EMCN: variants seen among roughly 807,000 people sequenced by gnomAD.
EMCN encodes endomucin, also known as MUC-14.
EMCN carries 37 observed loss-of-function variants against 38.4 expected under a neutral mutation model. That is an observed-to-expected ratio of 0.96 (90% CI 0.74 to 1.27). The LOEUF (loss-of-function observed/expected upper bound fraction) is 1.27. Among genes scored for constraint, EMCN ranks in the 50% most tolerant of loss-of-function variants. The pLI, the probability that EMCN is intolerant of heterozygous loss-of-function variation, is 0.00. For missense variants in EMCN, 318 were observed against 302.8 expected, an observed-to-expected ratio of 1.05 and a Z score of -0.37; for synonymous variants, 95 against 100.8, an observed-to-expected ratio of 0.94 and a Z score of 0.35.
At chr4:100,422,809 C>CTTTT (rs762827792) in intron 7 of EMCN, among the ~76,000 whole-genome samples, 17,611 of 130,632 alleles carry the variant, frequency 0.13, 1,297 homozygotes, top group Middle Eastern at 0.18. Flanking sequence ...TTCTTTCTTT[C>CTTTT]TTTCTTTCTT....
intron 1 of EMCN, among the ~76,000 whole-genome samples, chr4:100,490,847 AG>A (rs575425652): frequency 8.9e-4 from 135 of 152,294 alleles, no homozygotes; most frequent in African/African-American, 3.2e-3. Flanking sequence ...TATTTTTTAT[AG>A]TAGCCATTCT....
chr4:100,403,832 A>G (rs1726322634), intron 11 of EMCN, among the ~76,000 whole-genome samples: 1 of 151,974 alleles, frequency 6.6e-6, no homozygotes, highest in African/African-American at 2.4e-5. Flanking sequence ...TAGTGATATT[A>G]GGCACTTTTG....
chr4:100,426,257 C>T (rs188762199), intron 5 of EMCN, among the ~76,000 whole-genome samples: 61 of 152,188 alleles, frequency 4.0e-4, no homozygotes, highest in African/African-American at 1.4e-3. Context: ...CTCTGAAACC[C>T]ATCTCTCTGT....
intron 1 of EMCN, among the ~76,000 whole-genome samples, chr4:100,486,617 A>C (rs1728949779): frequency 6.6e-6 from 1 of 152,240 alleles, no homozygotes; most frequent in Non-Finnish European, 1.5e-5. Flanking sequence ...GCTGCACCTG[A>C]AAGAGGAATC....
intron 5 of EMCN, among the ~76,000 whole-genome samples, chr4:100,431,289 A>T (rs1309782758): frequency 6.6e-6 from 1 of 152,176 alleles, no homozygotes; most frequent in Admixed American, 6.6e-5. Flanking sequence ...GAATATTGTG[A>T]TGATTAATTT....
At chr4:100,481,460 C>T (rs1262936208) in intron 1 of EMCN, among the ~76,000 whole-genome samples, 1 of 152,080 alleles carries the variant, frequency 6.6e-6, no homozygotes, top group Admixed American at 6.6e-5. Context: ...GAAAAGTGTT[C>T]AGCACATACA....
rs148129264 is a variant in EMCN, at chr4:100,417,235, C to A, written c.665-94G>T. 97 of 1,046,160 alleles carry A rather than the reference C, an allele frequency of 9.3e-5. 1 individual carries two copies. The African/African-American group carries it at 1.1e-3, about 12-fold the overall frequency. The allele number at this position is 1,046,160 out of a possible 1,614,324, so 64.8% of individuals were successfully genotyped here. A position where few individuals can be genotyped will look rare whatever the true frequency, so the allele number is the denominator to read the frequency against. On this transcript the variant is annotated intron_variant, in intron 8 of 11. Coordinates refer to ENST00000296420, the MANE Select transcript of EMCN (RefSeq NM_016242.4). ...CTAACCCCCTCACCTGCTGTCCACT[C>A]TTTTCTATGCAGAGATGTTTCTAAG...
At chr4:100,402,993 C>T (rs772023585) in intron 11 of EMCN, among the ~76,000 whole-genome samples, 47 of 152,128 alleles carry the variant, frequency 3.1e-4, no homozygotes, top group Non-Finnish European at 5.6e-4. Flanking sequence ...GGCTGGACAA[C>T]GTCTCTCATC....
intron 5 of EMCN, among the ~76,000 whole-genome samples, chr4:100,430,737 A>T (rs764165473): frequency 6.6e-6 from 1 of 152,188 alleles, no homozygotes; most frequent in Non-Finnish European, 1.5e-5. Context: ...ATAAGAAACC[A>T]CTTAGCCATA....
At chr4:100,447,195 A>T (rs1163221058) in intron 5 of EMCN, among the ~76,000 whole-genome samples, 1 of 152,166 alleles carries the variant, frequency 6.6e-6, no homozygotes, top group East Asian at 1.9e-4. Context: ...AAGTAAGAGA[A>T]GACATTTTGT....
chr4:100,411,589 A>G (rs1726554628), intron 10 of EMCN, among the ~76,000 whole-genome samples: 1 of 150,710 alleles, frequency 6.6e-6, no homozygotes, highest in Admixed American at 6.6e-5. Flanking sequence ...ATATCTAGTG[A>G]AAAAAAAATC....
intron 1 of EMCN, among the ~76,000 whole-genome samples, chr4:100,507,228 T>C (rs1388092061): frequency 1.3e-5 from 2 of 152,164 alleles, no homozygotes; most frequent in African/African-American, 2.4e-5. Context: ...GATTAGGAGA[T>C]GAAGGGCGCC....
At chr4:100,403,776 T>G (rs910471198) in intron 11 of EMCN, among the ~76,000 whole-genome samples, 1 of 152,058 alleles carries the variant, frequency 6.6e-6, no homozygotes, top group Admixed American at 6.6e-5. Flanking sequence ...CTGACTGATA[T>G]GAGACAGCAT....
At chr4:100,404,229 T>G (rs760730153) in intron 11 of EMCN, among the ~76,000 whole-genome samples, 2 of 152,182 alleles carry the variant, frequency 1.3e-5, no homozygotes, top group Non-Finnish European at 2.9e-5. Context: ...TTGATTTTTG[T>G]ATATGATAAA....
chr4:100,491,545 T>C (rs1294547139), intron 1 of EMCN, among the ~76,000 whole-genome samples: 1 of 152,202 alleles, frequency 6.6e-6, no homozygotes, highest in African/African-American at 2.4e-5. Flanking sequence ...CGTGCAATTC[T>C]ACAGAGCAAA....
At chr4:100,505,252 T>C (rs1729452789) in intron 1 of EMCN, among the ~76,000 whole-genome samples, 1 of 152,180 alleles carries the variant, frequency 6.6e-6, no homozygotes, top group Admixed American at 6.5e-5. Flanking sequence ...CCCAGCTGTC[T>C]TTTCTTTTAT....
At chr4:100,499,443 T>C (rs770985038) in intron 1 of EMCN, among the ~76,000 whole-genome samples, 1 of 152,242 alleles carries the variant, frequency 6.6e-6, no homozygotes, top group Non-Finnish European at 1.5e-5. Context: ...TCATAAGTGC[T>C]TTAACAATTG....
intron 11 of EMCN, among the ~76,000 whole-genome samples, chr4:100,400,946 G>A (rs1159386091): frequency 6.6e-6 from 1 of 152,000 alleles, no homozygotes; most frequent in Non-Finnish European, 1.5e-5. Context: ...TAATGGTATA[G>A]GACTGAATAG....
chr4:100,462,809 G>T (rs985980046), intron 4 of EMCN, among the ~76,000 whole-genome samples: 1 of 152,072 alleles, frequency 6.6e-6, no homozygotes. Flanking sequence ...TACAATTATG[G>T]TGTGAAATTA....
Sources: gnomAD v4.1 joint callset for allele counts (sites outside exome capture counted in the v4.1 genomes callset) on GRCh38, gnomAD v4.1.1 for gene constraint, MANE v1.5 for transcripts, NCBI Gene and HGNC (gene_info 2026-07-23, HGNC 2026-07-21) for gene names.